PRKCH: variants seen among roughly 807,000 people sequenced by gnomAD.
The protein encoded by PRKCH is protein kinase C eta type.
PRKCH carries 28 observed loss-of-function variants against 82.5 expected under a neutral mutation model. That is an observed-to-expected ratio of 0.34 (90% confidence interval 0.25 to 0.47). The LOEUF (loss-of-function observed/expected upper bound fraction) is 0.47, where lower values mean the gene tolerates loss of function less well. Ranked by LOEUF, PRKCH falls within the 20% of genes least tolerant of loss-of-function variation. PRKCH has a pLI of 1.00. For missense variants in PRKCH, 705 were observed against 881.8 expected (o/e 0.80, Z 2.54); for synonymous variants, 322 against 327.4 (o/e 0.98, Z 0.18).
intron 9 of PRKCH, among the ~76,000 whole-genome samples, chr14:61,461,886 T>TAC (rs1331722550): frequency 6.6e-6 from 1 of 152,236 alleles, no homozygotes; most frequent in Non-Finnish European, 1.5e-5. Flanking sequence ...GTGAAGCCTT[T>TAC]ACTAGCATTG....
intron 12 of PRKCH, among the ~76,000 whole-genome samples, chr14:61,532,463 A>G (rs2043053426): frequency 6.6e-6 from 1 of 152,200 alleles, no homozygotes; most frequent in Admixed American, 6.5e-5. Context: ...CCACATCACC[A>G]TTTGAGTTGG....
Position 61,529,005 on chromosome 14 carries a change from T to TGC in PRKCH, c.1434-69_1434-68dup, listed in dbSNP as rs1555396232. On this transcript the variant is annotated intron_variant, in intron 10 of 13. Transcript: ENST00000332981. ...GTGTGTGTGTGTGTGTGTGTGTGTG[T>TGC]GCCCATTCTGAGAGGTGGATGGTTT... 25 of 1,460,600 alleles carry TGC rather than the reference T, an allele frequency of 1.7e-5. No homozygotes were observed. In the African/African-American group the frequency reaches 3.6e-4, roughly 21 times the overall value. The allele number at this position is 1,460,600 out of a possible 1,614,324, so 90.5% of individuals were successfully genotyped here. A position where few individuals can be genotyped will look rare whatever the true frequency, so the allele number is the denominator to read the frequency against.
intron 11 of PRKCH, among the ~76,000 whole-genome samples, chr14:61,530,181 C>T (rs1432336884): frequency 3.3e-5 from 5 of 152,126 alleles, no homozygotes; most frequent in African/African-American, 9.7e-5. Flanking sequence ...CACAGTGGCC[C>T]AATCAGGCCA....
At chr14:61,428,076 T>TAGATAGATAGATACAC (rs377250538) in intron 2 of PRKCH, among the ~76,000 whole-genome samples, 3,549 of 125,974 alleles carry the variant, frequency 0.028, 91 homozygotes, top group Non-Finnish European at 0.038. Context: ...GATAGATAGA[T>TAGATAGATAGATACAC]ACACACACAC....
intron 13 of PRKCH, 120 bp from the exon 14 acceptor site, chr14:61,549,565 T>G (rs2043300542): frequency 9.3e-7 from 1 of 1,069,674 alleles, no homozygotes; most frequent in Admixed American, 2.2e-5. Flanking sequence ...CTGTAAATAA[T>G]GCTACTGAAC....
chr14:61,387,480 T>C (rs771587620), intron 1 of PRKCH, among the ~76,000 whole-genome samples: 2 of 152,194 alleles, frequency 1.3e-5, no homozygotes, highest in Non-Finnish European at 2.9e-5. Flanking sequence ...AGGGCGAAAC[T>C]AAGGTAAATG....
rs71117815 is a variant in PRKCH, at chr14:61,416,053, C to CTTTTTTTTTTTTT, written c.427+24774_427+24786dup. Among the ~76,000 whole-genome samples, 64 of 94,146 alleles carry CTTTTTTTTTTTTT rather than the reference C, an allele frequency of 6.8e-4. 2 individuals carry two copies. The highest frequency in any genetic ancestry group is 8.5e-4 in the Non-Finnish European group (44 of 51,680). The allele number at this position is 94,146 out of a possible 152,430, so 61.8% of individuals were successfully genotyped here. A position where few individuals can be genotyped will look rare whatever the true frequency, so the allele number is the denominator to read the frequency against. On this transcript the variant is annotated intron_variant, in intron 2 of 13. Coordinates refer to ENST00000332981, the MANE Select transcript of PRKCH (RefSeq NM_006255.5). ...CCTCTTTTTTCTTTTCTTTTCTTTT[C>CTTTTTTTTTTTTT]TTTTTTTTTTTTTTTTTTTTTGAGA...
At chr14:61,262,513 CAGAA>C (rs549149288) in intron 1 of PRKCH, among the ~76,000 whole-genome samples, 3 of 152,028 alleles carry the variant, frequency 2.0e-5, no homozygotes, top group South Asian at 2.1e-4. Context: ...TGTCAGAAGT[CAGAA>C]AGAAGTCACC....
chr14:61,443,243 ACTGCAG>A lies in PRKCH; in HGVS notation c.561_566del (p.His187_Arg189delinsGln). ...CTGAGGCAGCCCACCTACTGCTCTC[ACTGCAG>A]GGAGTTTATCTGGTAAGGGGTTCCC... is the stretch of plus-strand genomic sequence containing the variant. On this transcript the variant is annotated inframe_deletion, in exon 3 of 14. Transcript: ENST00000332981. 1 of 1,613,876 alleles carries A rather than the reference ACTGCAG, an allele frequency of 6.2e-7. No homozygotes were observed. The highest frequency in any genetic ancestry group is 8.5e-7 in the Non-Finnish European group (1 of 1,179,810).
chr14:61,528,481 C>T (rs1483706702), intron 10 of PRKCH, among the ~76,000 whole-genome samples: 1 of 152,150 alleles, frequency 6.6e-6, no homozygotes, highest in Non-Finnish European at 1.5e-5. Flanking sequence ...GGCACCCAGC[C>T]GACAAGTATT....
Position 61,530,580 on chromosome 14 carries a change from A to T in PRKCH, c.1746A>T (p.Thr582=), listed in dbSNP as rs1443820528. Residue 582 remains threonine (T), a synonymous_variant, in exon 12 of 14, where the codon ACA becomes ACT. Transcript: ENST00000332981. ...VYPTWLHEDA[T]GILKSFMTKN... Reference sequence around the variant, plus strand: ...CTACCTGGCTCCATGAAGATGCCACAGGGATCCTAAAATCTGTAAGTTTGG... The same window carrying T: ...CTACCTGGCTCCATGAAGATGCCACTGGGATCCTAAAATCTGTAAGTTTGG... 1 of 1,597,736 alleles carries T rather than the reference A, an allele frequency of 6.3e-7. No individual in the cohort carries two copies. The highest frequency in any genetic ancestry group is 8.5e-7 in the Non-Finnish European group (1 of 1,170,612).
At chr14:61,435,704 AAATGAATGAATGAATG>A (rs3837626) in intron 2 of PRKCH, among the ~76,000 whole-genome samples, 2,890 of 150,670 alleles carry the variant, frequency 0.019, 42 homozygotes, top group South Asian at 0.05. Flanking sequence ...ATCTCAATAT[AAATGAATGAATGAATG>A]AATGAATGAA....
At chr14:61,539,476 T>C (rs1044363314) in intron 12 of PRKCH, among the ~76,000 whole-genome samples, 1 of 152,188 alleles carries the variant, frequency 6.6e-6, no homozygotes, top group African/African-American at 2.4e-5. Context: ...TCTGGAGATA[T>C]CGCACAGAAT....
At chr14:61,217,233 G>T (rs559460858) in intron 1 of PRKCH, among the ~76,000 whole-genome samples, 2 of 152,074 alleles carry the variant, frequency 1.3e-5, no homozygotes, top group Admixed American at 1.3e-4. Flanking sequence ...CTCTAAAAAA[G>T]ATTTTAAAAA....
Position 61,203,826 on chromosome 14 carries a change from G to C in PRKCH, c.-19+16158G>C, listed in dbSNP as rs564141412. Among the ~76,000 whole-genome samples the C allele has an allele frequency of 7.9e-5, 12 of 152,044 alleles. No homozygotes were observed. The East Asian group carries it at 2.3e-3, about 29-fold the overall frequency. On this transcript the variant is annotated intron_variant, in intron 1 of 3. Transcript: ENST00000555185. ...ACTGCACTCCAGCCTGGGAGACAAA[G>C]AGAGACCCCGTCTCAAAATAATAAT...
intron 1 of PRKCH, among the ~76,000 whole-genome samples, chr14:61,374,286 G>A (rs184272951): frequency 1.5e-4 from 23 of 152,272 alleles, no homozygotes; most frequent in East Asian, 1.2e-3. Flanking sequence ...CTTTCGTGGC[G>A]TTGAGTGCCT....
intron 12 of PRKCH, among the ~76,000 whole-genome samples, chr14:61,532,672 C>G (rs2043055348): frequency 6.6e-6 from 1 of 152,152 alleles, no homozygotes; most frequent in Admixed American, 6.5e-5. Context: ...ACCGGGTGAG[C>G]TCAGTTACTT....
chr14:61,445,230 G>A (rs954188067), intron 3 of PRKCH, among the ~76,000 whole-genome samples: 3 of 152,242 alleles, frequency 2.0e-5, no homozygotes, highest in African/African-American at 7.2e-5. Flanking sequence ...TGGACTCCAG[G>A]GGTGATATGG....
intron 1 of PRKCH, chr14:61,298,434 C>G (rs2045422220): frequency 6.6e-6 from 1 of 152,176 alleles, no homozygotes; most frequent in Admixed American, 6.5e-5. Context: ...TTCTCTTGCT[C>G]TCATCCCTCA....
Sources: gnomAD v4.1 joint callset for allele counts (sites outside exome capture counted in the v4.1 genomes callset) on GRCh38, gnomAD v4.1.1 for gene constraint, MANE v1.5 for transcripts, NCBI Gene and HGNC (gene_info 2026-07-23, HGNC 2026-07-21) for gene names.